Variants in VPS37A observed in about 807,000 individuals in gnomAD.
The protein encoded by VPS37A is VPS37A subunit of ESCRT-I.
VPS37A carries 30 observed loss-of-function variants against 49.8 expected under a neutral mutation model. The observed-to-expected ratio is 0.60, with a 90% CI of 0.45 to 0.82. The LOEUF (loss-of-function observed/expected upper bound fraction) is 0.82. Ranked by LOEUF, VPS37A falls within the 40% of genes least tolerant of loss-of-function variation. The pLI is 0.00. For missense variants in VPS37A, 593 were observed against 464.4 expected (o/e 1.28, Z -2.55); for synonymous variants, 195 against 160.6 (o/e 1.21, Z -1.62).
At chr8:17,248,180 T>G in intron 1 of VPS37A, 1 of 376,920 alleles carries the variant, frequency 2.7e-6, no homozygotes, top group Non-Finnish European at 5.2e-6. Flanking sequence ...TCTTTATATT[T>G]TATGCATTTT....
intron 9 of VPS37A, among the ~76,000 whole-genome samples, chr8:17,283,367 C>T (rs1815280494): frequency 6.6e-6 from 1 of 152,000 alleles, no homozygotes; most frequent in South Asian, 2.1e-4. Flanking sequence ...TGTTGCCCAG[C>T]CTGGTCATGA....
At chr8:17,329,952 G>C in the VPS37A span, among the ~76,000 whole-genome samples, 17,080 of 152,158 alleles carry the variant, frequency 0.11, 1,518 homozygotes, top group South Asian at 0.42. Context: ...GATGTAGGAA[G>C]GGATTTCTGC....
At chr8:17,271,709 G>C (rs369551647) in intron 4 of VPS37A, among the ~76,000 whole-genome samples, 1 of 152,178 alleles carries the variant, frequency 6.6e-6, no homozygotes, top group African/African-American at 2.4e-5. Flanking sequence ...TGGGCTTCCA[G>C]TGAGGCTGCT....
At chr8:17,294,488 A>G (rs1275798885) in intron 11 of VPS37A, among the ~76,000 whole-genome samples, 1 of 152,140 alleles carries the variant, frequency 6.6e-6, no homozygotes, top group Admixed American at 6.5e-5. Flanking sequence ...CATTCCAGGC[A>G]GTACGAAAAA....
At chr8:17,299,708 C>G, downstream of VPS37A, 4 of 1,002,560 alleles carry the variant, frequency 4.0e-6, no homozygotes, top group Non-Finnish European at 5.8e-6. Context: ...TCTAAGAAAT[C>G]AAGAACTGGG....
chr8:17,283,144 A>G (rs1374998737), intron 9 of VPS37A, among the ~76,000 whole-genome samples: 4 of 152,070 alleles, frequency 2.6e-5, no homozygotes, highest in Non-Finnish European at 1.5e-5. Context: ...ACAAAGAGAT[A>G]CTACCCCACA....
At chr8:17,327,776 T>A in the VPS37A span, among the ~76,000 whole-genome samples, 56,859 of 152,094 alleles carry the variant, frequency 0.37, 12,829 homozygotes, top group South Asian at 0.55. Context: ...AAAAATTGGG[T>A]GGCAAATGGT....
downstream of VPS37A, chr8:17,298,453 A>G (rs940373085): frequency 3.9e-5 from 6 of 152,398 alleles, no homozygotes; most frequent in African/African-American, 1.4e-4. Flanking sequence ...ATATATTGCA[A>G]CACTCCCTCC....
intron 1 of VPS37A, 35 bp from the exon 2 acceptor site, chr8:17,265,872 A>T (rs1229271984): frequency 6.2e-7 from 1 of 1,612,492 alleles, no homozygotes; most frequent in African/African-American, 1.3e-5. Flanking sequence ...TGGTTTCATG[A>T]CTTTGGGTAA....
chr8:17,302,330 A>G, downstream of VPS37A: 3 of 1,567,544 alleles, frequency 1.9e-6, no homozygotes, highest in Non-Finnish European at 1.7e-6. Flanking sequence ...CAGTCTGAAA[A>G]TTCACATCCT....
intron 2 of VPS37A, among the ~76,000 whole-genome samples, chr8:17,266,407 T>C (rs961777672): frequency 1.4e-4 from 21 of 152,230 alleles, no homozygotes; most frequent in African/African-American, 4.8e-4. Flanking sequence ...CAAGATTAGA[T>C]TTGATTTGCT....
At chr8:17,305,565 A>T (rs1563316139), downstream of VPS37A, among the ~76,000 whole-genome samples, 1 of 152,204 alleles carries the variant, frequency 6.6e-6, no homozygotes, top group Non-Finnish European at 1.5e-5. Flanking sequence ...AAATGAAACT[A>T]TTTATCTGTC....
chr8:17,302,353 G>C, downstream of VPS37A: 11 of 1,502,410 alleles, frequency 7.3e-6, no homozygotes, highest in Non-Finnish European at 9.8e-6. Flanking sequence ...AGTCTTCTAA[G>C]GTATCTATGA....
the VPS37A span, chr8:17,326,291 G>A: frequency 5.3e-5 from 8 of 152,150 alleles, no homozygotes; most frequent in East Asian, 1.9e-4. Context: ...TTCCTCATCC[G>A]TAAAATGAAG....
chr8:17,262,833 C>T (rs1179969279), intron 1 of VPS37A, among the ~76,000 whole-genome samples: 7 of 152,030 alleles, frequency 4.6e-5, no homozygotes, highest in South Asian at 4.1e-4. Context: ...GAGGCCGAGG[C>T]GGGCAGATCA....
chr8:17,262,890 G>C (rs1217635194), intron 1 of VPS37A, among the ~76,000 whole-genome samples: 1 of 151,708 alleles, frequency 6.6e-6, no homozygotes, highest in Non-Finnish European at 1.5e-5. Flanking sequence ...GTGAAACCCC[G>C]TCTCTACTAA....
intron 6 of VPS37A, among the ~76,000 whole-genome samples, chr8:17,277,468 C>CA (rs1198067828): frequency 1.3e-5 from 2 of 151,972 alleles, no homozygotes; most frequent in Admixed American, 1.3e-4. Context: ...CATCATGTGG[C>CA]AACAACAGCT....
At chr8:17,282,924 T>A (rs769848696) in intron 9 of VPS37A, among the ~76,000 whole-genome samples, 1 of 152,158 alleles carries the variant, frequency 6.6e-6, no homozygotes, top group African/African-American at 2.4e-5. Context: ...ACACCTAATA[T>A]CTGGTTCAGT....
downstream of VPS37A, chr8:17,298,731 C>G (rs1359429560): frequency 6.6e-6 from 1 of 152,566 alleles, no homozygotes; most frequent in African/African-American, 2.4e-5. Flanking sequence ...CTTTTCCCCA[C>G]TAAGTTTAAT....
Sources: gnomAD v4.1 joint callset for allele counts (sites outside exome capture counted in the v4.1 genomes callset) on GRCh38, gnomAD v4.1.1 for gene constraint, MANE v1.5 for transcripts, NCBI Gene and HGNC (gene_info 2026-07-23, HGNC 2026-07-21) for gene names.